CSMD1: variants seen among roughly 807,000 people sequenced by gnomAD.
CSMD1 encodes CUB and sushi domain-containing protein 1.
CSMD1 carries 213 observed loss-of-function variants against 417.5 expected under a neutral mutation model. The ratio of observed to expected loss-of-function variants is 0.51; its 90% CI spans 0.46 to 0.57. CSMD1 has a LOEUF of 0.57. CSMD1 is among the 20% of genes least tolerant of loss of function. The pLI, the probability that CSMD1 is intolerant of heterozygous loss-of-function variation, is 0.00. For synonymous variants in CSMD1, 2,862 were observed against 1,736.8 expected, an observed-to-expected ratio of 1.65 and a Z score of -16.11; for missense variants, 6,923 against 4,529.7, an observed-to-expected ratio of 1.53 and a Z score of -15.17.
At chr8:4,231,690 A>G (rs929216852) in intron 3 of CSMD1, among the ~76,000 whole-genome samples, 2 of 152,216 alleles carry the variant, frequency 1.3e-5, no homozygotes, top group Admixed American at 1.3e-4. Flanking sequence ...GCTTATGACT[A>G]CAGTTAATAA....
At chr8:3,909,794 T>C (rs746999261) in intron 5 of CSMD1, among the ~76,000 whole-genome samples, 1 of 152,204 alleles carries the variant, frequency 6.6e-6, no homozygotes, top group African/African-American at 2.4e-5. Flanking sequence ...AAGTGTTTAA[T>C]AATTCTCATC....
intron 3 of CSMD1, among the ~76,000 whole-genome samples, chr8:4,197,996 G>C (rs939563650): frequency 2.6e-5 from 4 of 152,220 alleles, no homozygotes; most frequent in African/African-American, 9.6e-5. Flanking sequence ...AATAAAACAT[G>C]CTATCTTTCC....
chr8:3,788,925 G>A lies in CSMD1; in HGVS notation c.819-34883C>T, dbSNP rs545179948. Reference sequence around the variant, plus strand: ...AGGAGGAAAGGGACTTAGGCTATGGGTACGTATTTCCTAGACAGTATTGTA... The same window carrying A: ...AGGAGGAAAGGGACTTAGGCTATGGATACGTATTTCCTAGACAGTATTGTA... On this transcript the variant is annotated intron_variant, in intron 5 of 69. Transcript: ENST00000635120. 3.9e-5 allele frequency among the ~76,000 whole-genome samples: 6 copies of A among 152,116 alleles called. 1 individual carries two copies. The highest frequency in any genetic ancestry group is 6.5e-5 in the Admixed American group (1 of 15,268).
intron 5 of CSMD1, among the ~76,000 whole-genome samples, chr8:3,800,110 G>T (rs922742): frequency 6.6e-6 from 1 of 152,098 alleles, no homozygotes; most frequent in African/African-American, 2.4e-5. Context: ...ATCCACTGAA[G>T]TATATGGCGC....
chr8:4,203,994 G>A (rs182352410), intron 3 of CSMD1, among the ~76,000 whole-genome samples: 7 of 152,170 alleles, frequency 4.6e-5, no homozygotes, highest in South Asian at 2.1e-4. Flanking sequence ...CCAGCTACTC[G>A]GAAGACTGAG....
chr8:4,911,579 C>G (rs1454248842), intron 1 of CSMD1, among the ~76,000 whole-genome samples: 2 of 152,180 alleles, frequency 1.3e-5, no homozygotes, highest in African/African-American at 4.8e-5. Flanking sequence ...TACCTGCATC[C>G]AGGGATCTCA....
chr8:4,941,248 GTTGTTTC>G, intron 1 of CSMD1, among the ~76,000 whole-genome samples: 1 of 144,314 alleles, frequency 6.9e-6, no homozygotes, highest in Non-Finnish European at 1.5e-5. Flanking sequence ...ACACTCTTTT[GTTGTTTC>G]AAACACAGTA....
At chr8:3,793,298 A>T (rs1428068770) in intron 5 of CSMD1, among the ~76,000 whole-genome samples, 1 of 152,182 alleles carries the variant, frequency 6.6e-6, no homozygotes, top group Non-Finnish European at 1.5e-5. Context: ...TCCTATTTTT[A>T]GAATTTCCAT....
At position 3,345,072 on chromosome 8, in the gene CSMD1, A is replaced by G. The variant is rs188948414; in HGVS notation, c.3475-1622T>C. 2.2e-4 allele frequency among the ~76,000 whole-genome samples: 33 copies of G among 152,368 alleles called. No individual in the cohort carries two copies. The East Asian group carries it at 6.2e-3, about 29-fold the overall frequency. On this transcript the variant is annotated intron_variant, in intron 22 of 69. Transcript: ENST00000635120. Reference sequence around the variant, plus strand: ...CTAGGAAGGCCTTGGGCTACCCCGTATACCATGGAATTGTCTGTAATTGAC... The same window carrying G: ...CTAGGAAGGCCTTGGGCTACCCCGTGTACCATGGAATTGTCTGTAATTGAC...
At chr8:4,327,707 A>G (rs566696148) in intron 3 of CSMD1, among the ~76,000 whole-genome samples, 1 of 152,348 alleles carries the variant, frequency 6.6e-6, no homozygotes, top group African/African-American at 2.4e-5. Flanking sequence ...AGGTATTAGA[A>G]GTTTAAAATG....
intron 5 of CSMD1, among the ~76,000 whole-genome samples, chr8:3,860,912 A>G (rs1050534158): frequency 3.9e-5 from 6 of 152,198 alleles, no homozygotes; most frequent in African/African-American, 1.4e-4. Flanking sequence ...TAGTCTCTAT[A>G]CTATAGAATT....
chr8:4,151,034 G>A (rs553035078), intron 3 of CSMD1, among the ~76,000 whole-genome samples: 8 of 152,250 alleles, frequency 5.3e-5, no homozygotes, highest in South Asian at 2.1e-4. Flanking sequence ...ATATGCAGAC[G>A]TAATAAAACG....
At chr8:4,818,962 G>C (rs538779912) in intron 1 of CSMD1, among the ~76,000 whole-genome samples, 1 of 152,072 alleles carries the variant, frequency 6.6e-6, no homozygotes, top group African/African-American at 2.4e-5. Flanking sequence ...TATTAAAACT[G>C]TGACTTGATT....
intron 3 of CSMD1, among the ~76,000 whole-genome samples, chr8:4,191,912 G>A (rs889848516): frequency 2.6e-5 from 4 of 152,150 alleles, no homozygotes; most frequent in African/African-American, 9.7e-5. Context: ...GAAAGAAAGT[G>A]AGCATTAGCA....
At chr8:4,906,879 A>G (rs551648971) in intron 1 of CSMD1, among the ~76,000 whole-genome samples, 5 of 152,062 alleles carry the variant, frequency 3.3e-5, no homozygotes, top group Admixed American at 6.6e-5. Flanking sequence ...TTTTCAAAGT[A>G]CCTTTAGTTT....
intron 3 of CSMD1, among the ~76,000 whole-genome samples, chr8:4,354,614 A>G (rs17063252): frequency 0.091 from 13,832 of 152,176 alleles, 929 homozygotes; most frequent in African/African-American, 0.17. Flanking sequence ...CCTTGAACGT[A>G]TAAGAACGTG....
At chr8:4,849,683 T>A (rs1171829177) in intron 1 of CSMD1, among the ~76,000 whole-genome samples, 1 of 152,180 alleles carries the variant, frequency 6.6e-6, no homozygotes, top group African/African-American at 2.4e-5. Flanking sequence ...TTTAGTGCAG[T>A]AACATGCTGT....
intron 23 of CSMD1, among the ~76,000 whole-genome samples, chr8:3,339,332 T>C (rs921136662): frequency 6.6e-6 from 1 of 152,104 alleles, no homozygotes; most frequent in East Asian, 1.9e-4. Context: ...ACTTTAAAGA[T>C]GTTCCTGACT....
intron 40 of CSMD1, among the ~76,000 whole-genome samples, chr8:3,146,472 G>A (rs1378991581): frequency 6.6e-6 from 1 of 152,092 alleles, no homozygotes; most frequent in African/African-American, 2.4e-5. Flanking sequence ...CTATGGGACT[G>A]ATATATTATA....
Sources: gnomAD v4.1 joint callset for allele counts (sites outside exome capture counted in the v4.1 genomes callset) on GRCh38, gnomAD v4.1.1 for gene constraint, MANE v1.5 for transcripts, NCBI Gene and HGNC (gene_info 2026-07-23, HGNC 2026-07-21) for gene names.